The following EML6 variants were observed in gnomAD, a reference collection of about 807,000 sequenced individuals.
The protein encoded by EML6 is echinoderm microtubule-associated protein-like 6.
EML6 carries 154 observed loss-of-function variants against 240.1 expected under a neutral mutation model. The observed-to-expected ratio is 0.64, with a 90% confidence interval of 0.56 to 0.73. The LOEUF is 0.73. EML6 is among the 30% of genes least tolerant of loss of function. EML6 has a pLI of 0.00. For synonymous variants in EML6, 1,148 were observed against 899.0 expected, an observed-to-expected ratio of 1.28 and a Z score of -4.95; for missense variants, 2,964 against 2,474.6, an observed-to-expected ratio of 1.20 and a Z score of -4.20.
chr2:54,962,280 A>G (rs1032602836), intron 35 of EML6, among the ~76,000 whole-genome samples: 12 of 151,956 alleles, frequency 7.9e-5, no homozygotes, highest in African/African-American at 2.9e-4. Context: ...CCATTTGTAA[A>G]TATACAATTC....
chr2:54,899,406 C>T (rs1672940580), intron 21 of EML6, among the ~76,000 whole-genome samples: 1 of 152,178 alleles, frequency 6.6e-6, no homozygotes, highest in Non-Finnish European at 1.5e-5. Flanking sequence ...GCAATGAGTT[C>T]ATGTTTTGCT....
chr2:54,745,965 C>T (rs72915537), intron 2 of EML6, among the ~76,000 whole-genome samples: 3,529 of 152,038 alleles, frequency 0.023, 115 homozygotes, highest in South Asian at 0.07. Context: ...AAGGGAGGAG[C>T]GAAAGACTCT....
intron 21 of EML6, among the ~76,000 whole-genome samples, chr2:54,898,458 G>A (rs973309285): frequency 6.6e-6 from 1 of 152,188 alleles, no homozygotes; most frequent in African/African-American, 2.4e-5. Flanking sequence ...TCTGGGGCTG[G>A]GAGGCTTCCA....
At chr2:54,823,880 C>CTCTCTCTCTCTCTCTCTCTCTG (rs779577949) in intron 5 of EML6, among the ~76,000 whole-genome samples, 1 of 148,828 alleles carries the variant, frequency 6.7e-6, no homozygotes, top group African/African-American at 2.5e-5. Flanking sequence ...CTCTCTCTTT[C>CTCTCTCTCTCTCTCTCTCTCTG]TGTCTCTCTC....
chr2:54,948,024 C>G (rs1214909453), intron 28 of EML6, among the ~76,000 whole-genome samples: 1 of 152,192 alleles, frequency 6.6e-6, no homozygotes, highest in Non-Finnish European at 1.5e-5. Context: ...GGTAATCCTT[C>G]TCTTTGCATA....
chr2:54,935,683 A>G (rs914961142), intron 28 of EML6, among the ~76,000 whole-genome samples: 8 of 152,184 alleles, frequency 5.3e-5, no homozygotes, highest in African/African-American at 1.9e-4. Context: ...TCTTATATTC[A>G]CATTATGTTT....
chr2:54,939,623 C>G (rs1349433433), intron 28 of EML6, among the ~76,000 whole-genome samples: 1 of 152,180 alleles, frequency 6.6e-6, no homozygotes, highest in Non-Finnish European at 1.5e-5. Flanking sequence ...TGTCATAATC[C>G]TGAAGGGTGA....
intron 2 of EML6, among the ~76,000 whole-genome samples, chr2:54,791,523 C>G (rs1186785912): frequency 6.6e-6 from 1 of 152,168 alleles, no homozygotes. Context: ...TGAAGTTGAT[C>G]AGTTTGTCCC....
chr2:54,948,783 A>T (rs567271326), intron 28 of EML6, 99 bp from the exon 29 acceptor site: 12 of 851,166 alleles, frequency 1.4e-5, no homozygotes, highest in Non-Finnish European at 1.7e-5. Flanking sequence ...AGGCGGGAGG[A>T]GAGAGGAGGC....
intron 2 of EML6, among the ~76,000 whole-genome samples, chr2:54,785,009 A>G (rs1263539886): frequency 2.0e-5 from 3 of 152,154 alleles, no homozygotes; most frequent in African/African-American, 7.2e-5. Flanking sequence ...TTCTTGTAAT[A>G]TGATGACTTT....
chr2:54,968,340 T>C (rs1381558206), intron 40 of EML6, 59 bp downstream of exon 40: 2 of 1,493,488 alleles, frequency 1.3e-6, no homozygotes, highest in Non-Finnish European at 1.8e-6. Context: ...CTGCAGGAGA[T>C]AGGGGCCACG....
At chr2:54,779,441 G>C (rs1056079462) in intron 2 of EML6, among the ~76,000 whole-genome samples, 13 of 151,784 alleles carry the variant, frequency 8.6e-5, no homozygotes, top group African/African-American at 3.2e-4. Flanking sequence ...AGCTACTCTG[G>C]AGGCTGAGGC....
chr2:54,964,131 A>G lies in EML6; in HGVS notation c.5303A>G (p.Asp1768Gly). ...NSLKVWGKKR[D>G]RKSAIQDIRI... is the part of the protein sequence containing the mutation. ...CTGAAAGTTTGGGGGAAAAAACGAG[A>G]CCGGAAATCTGCTATCCAAGATATC... The change falls in exon 37 of 42, where the codon GAC becomes GGC. Residue 1768 changes from aspartate (D) to glycine (G), a missense_variant. By Grantham distance (94) the Asp-to-Gly change is moderately conservative. Coordinates refer to ENST00000356458, the MANE Select transcript of EML6 (RefSeq NM_001039753.4). 4 of 1,551,662 alleles carry G rather than the reference A, an allele frequency of 2.6e-6. No individual in the cohort carries two copies. Among genetic ancestry groups the G allele is most frequent in the Non-Finnish European group, 3.5e-6 (4 of 1,146,986 alleles).
intron 2 of EML6, among the ~76,000 whole-genome samples, chr2:54,770,998 G>A (rs1320689393): frequency 6.6e-6 from 1 of 152,116 alleles, no homozygotes; most frequent in East Asian, 1.9e-4. Context: ...AATGTGGGGT[G>A]GGGAAGTGGA....
intron 28 of EML6, among the ~76,000 whole-genome samples, chr2:54,934,575 G>A (rs913256250): frequency 8.6e-5 from 13 of 151,874 alleles, no homozygotes; most frequent in African/African-American, 3.1e-4. Context: ...TTTGAGACTG[G>A]GTCTGGCTCT....
At chr2:54,829,548 G>C (rs1248395648) in intron 7 of EML6, 71 bp downstream of exon 7, 10 of 1,272,598 alleles carry the variant, frequency 7.9e-6, no homozygotes, top group Non-Finnish European at 1.1e-5. Context: ...ATTCATATTT[G>C]TTTCTCTGTA....
At chr2:54,902,034 G>T (rs10201734) in intron 22 of EML6, among the ~76,000 whole-genome samples, 1 of 151,926 alleles carries the variant, frequency 6.6e-6, no homozygotes, top group South Asian at 2.1e-4. Flanking sequence ...CATTCTTCGC[G>T]TGACAGAAGA....
chr2:54,866,585 A>T (rs1422683749), intron 13 of EML6, among the ~76,000 whole-genome samples, 181 bp from the exon 14 acceptor site: 2 of 152,368 alleles, frequency 1.3e-5, no homozygotes, highest in East Asian at 1.9e-4. Context: ...AATCCCAATT[A>T]TTTAAAAAAT....
intron 28 of EML6, among the ~76,000 whole-genome samples, chr2:54,934,372 C>T (rs1321188643): frequency 3.3e-5 from 5 of 152,060 alleles, no homozygotes; most frequent in African/African-American, 9.7e-5. Flanking sequence ...TGGCTCAGGG[C>T]TTGGCTGCTC....
Sources: gnomAD v4.1 joint callset for allele counts (sites outside exome capture counted in the v4.1 genomes callset) on GRCh38, gnomAD v4.1.1 for gene constraint, MANE v1.5 for transcripts, NCBI Gene and HGNC (gene_info 2026-07-23, HGNC 2026-07-21) for gene names.